Variants in CMIP observed in about 807,000 individuals in gnomAD.
CMIP encodes the protein C-Maf-inducing protein.
Under a neutral mutation model 97.3 loss-of-function variants are expected in CMIP, and 13 were observed. The observed-to-expected ratio is 0.13, with a 90% CI of 0.09 to 0.21. CMIP has a LOEUF of 0.21. Ranked by LOEUF, CMIP falls within the 10% of genes least tolerant of loss-of-function variation. The pLI is 1.00. For missense variants in CMIP, 847 were observed against 1,024.9 expected (o/e 0.83, Z 2.37); for synonymous variants, 538 against 436.3 (o/e 1.23, Z -2.91).
chr16:81,664,635 C>G (rs941988324), intron 7 of CMIP: 3 of 576,604 alleles, frequency 5.2e-6, no homozygotes, highest in Admixed American at 6.2e-5. Context: ...CAAATAATGT[C>G]TGTAGATGCC....
chr16:81,620,048 A>G (rs2091972100), intron 2 of CMIP: 1 of 152,236 alleles, frequency 6.6e-6, no homozygotes, highest in South Asian at 2.1e-4. Flanking sequence ...CGATGGCTGC[A>G]TTTCTGACCA....
intron 3 of CMIP, among the ~76,000 whole-genome samples, chr16:81,643,944 A>G (rs1328821368): frequency 2.0e-5 from 3 of 152,204 alleles, no homozygotes; most frequent in Admixed American, 6.5e-5. Context: ...ATGGGCTGTG[A>G]CTGGTAAAGC....
intron 10 of CMIP, among the ~76,000 whole-genome samples, chr16:81,684,810 C>T (rs1192046193): frequency 1.3e-5 from 2 of 152,164 alleles, no homozygotes; most frequent in East Asian, 3.9e-4. Context: ...TGGGAAGGGC[C>T]CAGCCTTCTT....
chr16:81,620,899 C>G lies in CMIP; in HGVS notation c.450C>G (p.Asp150Glu). The change falls in exon 3 of 21, where the codon GAC becomes GAG. Residue 150 changes from aspartate to glutamate, a missense_variant. Around this residue, in one of 4 missense-constraint regions of CMIP, gnomAD observed 285 missense variants for 392.2 expected, o/e 0.73. Coordinates refer to ENST00000537098, the MANE Select transcript of CMIP (RefSeq NM_198390.3). ...LLQAANSYLR[D>E]QWFHSLQWKK... ...AGGCTGCCAATAGCTACCTGCGAGA[C>G]CAGTGGTTCCATTCTCTGCAATGGA... The G allele has an allele frequency of 6.2e-7, 1 of 1,613,970 alleles. No homozygotes were observed. The highest frequency in any genetic ancestry group is 1.1e-5 in the South Asian group (1 of 91,086).
chr16:81,462,642 G>C (rs572585799), intron 1 of CMIP, among the ~76,000 whole-genome samples: 5 of 152,294 alleles, frequency 3.3e-5, no homozygotes, highest in African/African-American at 1.2e-4. Context: ...TCTTGGTTAT[G>C]GTGAAATATT....
intron 1 of CMIP, among the ~76,000 whole-genome samples, chr16:81,548,209 C>G (rs976856428): frequency 4.7e-5 from 7 of 149,330 alleles, no homozygotes; most frequent in Non-Finnish European, 7.4e-5. Flanking sequence ...TCATGGCGCA[C>G]TGCAGCCTCG....
At chr16:81,640,675 G>A (rs886988099) in intron 3 of CMIP, among the ~76,000 whole-genome samples, 4 of 151,940 alleles carry the variant, frequency 2.6e-5, no homozygotes, top group South Asian at 4.2e-4. Context: ...GATGGTGTCC[G>A]GCTATCCTTG....
At chr16:81,505,584 A>C (rs917784819) in intron 1 of CMIP, among the ~76,000 whole-genome samples, 1 of 152,224 alleles carries the variant, frequency 6.6e-6, no homozygotes, top group South Asian at 2.1e-4. Context: ...GACTGTGAAG[A>C]AAGTTATGAG....
At chr16:81,620,714 C>T (rs1305073294) in intron 2 of CMIP, among the ~76,000 whole-genome samples, 162 bp from the exon 3 acceptor site, 1 of 152,228 alleles carries the variant, frequency 6.6e-6, no homozygotes, top group African/African-American at 2.4e-5. Context: ...TGGTTTTGCA[C>T]ACAACAGGCT....
chr16:81,645,605 T>G, intron 3 of CMIP: 1 of 1,535,874 alleles, frequency 6.5e-7, no homozygotes, highest in African/African-American at 1.4e-5. Flanking sequence ...CCAGGTAACG[T>G]CCCTTCCTTG....
At chr16:81,561,716 G>A (rs1033260804) in intron 1 of CMIP, among the ~76,000 whole-genome samples, 11 of 152,236 alleles carry the variant, frequency 7.2e-5, no homozygotes, top group Non-Finnish European at 1.6e-4. Context: ...CTCAGCTGCT[G>A]TATGGACAGT....
intron 3 of CMIP, among the ~76,000 whole-genome samples, chr16:81,639,278 A>G (rs2092275096): frequency 6.6e-6 from 1 of 152,218 alleles, no homozygotes; most frequent in Non-Finnish European, 1.5e-5. Context: ...AGTTCGGTGA[A>G]ATATGCATGA....
chr16:81,482,201 T>C (rs1442193551), intron 1 of CMIP, among the ~76,000 whole-genome samples: 1 of 152,130 alleles, frequency 6.6e-6, no homozygotes, highest in South Asian at 2.1e-4. Flanking sequence ...ATAAGGACCC[T>C]GTGGTTACAC....
chr16:81,529,611 G>A (rs951269487), intron 1 of CMIP, among the ~76,000 whole-genome samples: 4 of 152,170 alleles, frequency 2.6e-5, no homozygotes, highest in Non-Finnish European at 2.9e-5. Flanking sequence ...GCTTGGGATG[G>A]GGAGGTTACC....
chr16:81,703,850 G>T (rs1369191412), intron 17 of CMIP, 89 bp from the exon 18 acceptor site: 5 of 1,481,258 alleles, frequency 3.4e-6, no homozygotes, highest in Non-Finnish European at 4.5e-6. Context: ...TGTAGGGCGA[G>T]GGGAGAGGAG....
chr16:81,529,722 G>C (rs911353325), intron 1 of CMIP, among the ~76,000 whole-genome samples: 2 of 152,154 alleles, frequency 1.3e-5, no homozygotes, highest in East Asian at 1.9e-4. Flanking sequence ...CGGAGGCAGA[G>C]AGCAGCCTTG....
At chr16:81,531,541 C>T (rs2090235870) in intron 1 of CMIP, among the ~76,000 whole-genome samples, 1 of 152,368 alleles carries the variant, frequency 6.6e-6, no homozygotes, top group South Asian at 2.1e-4. Context: ...TCTCTACCCG[C>T]ATGGTTAGTG....
intron 3 of CMIP, among the ~76,000 whole-genome samples, chr16:81,638,870 C>T (rs567576268): frequency 3.9e-5 from 6 of 152,050 alleles, no homozygotes; most frequent in South Asian, 2.1e-4. Context: ...GAAAGAGGGG[C>T]GCCTGTTCTA....
rs8055924 is a variant in CMIP at position 81,598,542 on chromosome 16, A to C, written c.301-9025A>C. On this transcript the variant is annotated intron_variant, in intron 1 of 20. Transcript: ENST00000537098. ...ACTTTAGAGCTATCACCAAGAAAGT[A>C]AGATCAAATAAAACACAAGAGGGAT... Among the ~76,000 whole-genome samples, 727 of 152,362 alleles carry C rather than the reference A, an allele frequency of 4.8e-3. 10 individuals are homozygous for C. The highest frequency in any genetic ancestry group is 0.017 in the African/African-American group (697 of 41,582).
Sources: allele counts gnomAD v4.1 joint callset (sites outside exome capture counted in the v4.1 genomes callset), GRCh38; gene constraint gnomAD v4.1.1; regional missense constraint gnomAD v4.1.1; transcripts MANE v1.5; gene names NCBI Gene and HGNC (gene_info 2026-07-23, HGNC 2026-07-21).